The following MPRIP variants were observed in gnomAD, a reference collection of about 807,000 sequenced individuals.
MPRIP encodes myosin phosphatase Rho interacting protein, also known as myosin phosphatase Rho-interacting protein.
A neutral mutation model predicts 234.9 loss-of-function variants in MPRIP; 59 were observed. The ratio of observed to expected loss-of-function variants is 0.25; its 90% confidence interval spans 0.20 to 0.31. The LOEUF (loss-of-function observed/expected upper bound fraction) is 0.31. Among genes scored for constraint, MPRIP ranks in the 10% least tolerant of loss-of-function variants. The probability of loss-of-function intolerance (pLI) is 1.00; values close to 1 mark genes in which losing one functional copy is unlikely to be tolerated. For synonymous variants in MPRIP, 1,144 were observed against 1,263.9 expected (o/e 0.91, Z 2.01); for missense variants, 2,436 against 3,071.0 (o/e 0.79, Z 4.89).
At chr17:17,087,280 C>T (rs1310336337) in intron 3 of MPRIP, among the ~76,000 whole-genome samples, 1 of 152,122 alleles carries the variant, frequency 6.6e-6, no homozygotes. Flanking sequence ...GCAGCCGGGT[C>T]CCTGGATCTC....
At position 17,136,199 on chromosome 17, in the gene MPRIP, A is replaced by AC; in HGVS notation, c.505-18dup. ...TGTGTGCTCCTGCACCTTCACAGAC[A>AC]CCACTTTCTCCTCCTCCAGGAGCCT... On this transcript the variant is annotated intron_variant, in intron 5 of 23. Coordinates refer to ENST00000651222, the MANE Select transcript of MPRIP (RefSeq NM_001364716.4). The AC allele has an allele frequency of 6.2e-7, 1 of 1,613,730 alleles. No individual in the cohort carries two copies. Among genetic ancestry groups the AC allele is most frequent in the Non-Finnish European group, 8.5e-7 (1 of 1,179,968 alleles).
chr17:17,133,965 C>G (rs1597862387), intron 5 of MPRIP, among the ~76,000 whole-genome samples: 1 of 152,112 alleles, frequency 6.6e-6, no homozygotes, highest in Non-Finnish European at 1.5e-5. Flanking sequence ...GTGTGCAGGC[C>G]CCGGGTCTCC....
At chr17:17,096,797 T>C (rs1280572951) in intron 3 of MPRIP, 3 of 471,148 alleles carry the variant, frequency 6.4e-6, no homozygotes, top group South Asian at 4.6e-5. Flanking sequence ...CCTTGGGGCC[T>C]GGGGAAACCA....
intron 1 of MPRIP, among the ~76,000 whole-genome samples, chr17:17,074,332 A>G (rs2089274296): frequency 6.6e-6 from 1 of 152,174 alleles, no homozygotes; most frequent in Non-Finnish European, 1.5e-5. Context: ...ATTGAGCCAG[A>G]GTGTCTGTCT....
Position 17,096,979 on chromosome 17 carries a change from G to T in MPRIP, c.267+18903G>T, listed in dbSNP as rs1046771637. 1.2e-5 allele frequency: 4 copies of T among 346,540 alleles called. No homozygotes were observed. In the East Asian group the frequency reaches 3.0e-4, roughly 26 times the overall value. 21.5% of individuals were successfully genotyped at this position (346,540 alleles called of 1,614,324 possible). ...AGCATAAGCACTGAGACAGGCACAC[G>T]TGCCTGCCCGGCTATCGTAGCCAGG... On this transcript the variant is annotated intron_variant, in intron 3 of 23. Coordinates refer to ENST00000651222, the MANE Select transcript of MPRIP (RefSeq NM_001364716.4).
chr17:17,082,179 G>A (rs1348422003), intron 3 of MPRIP, among the ~76,000 whole-genome samples: 3 of 152,038 alleles, frequency 2.0e-5, no homozygotes, highest in Non-Finnish European at 2.9e-5. Context: ...TCTAGAAGGA[G>A]AGTGGGAGCG....
intron 22 of MPRIP, among the ~76,000 whole-genome samples, chr17:17,178,067 T>C (rs2046294830): frequency 6.6e-6 from 1 of 151,506 alleles, no homozygotes; most frequent in African/African-American, 2.4e-5. Context: ...ACTACAGGAG[T>C]GCACCACAAA....
intron 4 of MPRIP, among the ~76,000 whole-genome samples, chr17:17,128,445 C>T (rs1357678111): frequency 1.3e-5 from 2 of 152,162 alleles, no homozygotes; most frequent in African/African-American, 4.8e-5. Context: ...GCCAGAAGTC[C>T]TCACTCCATC....
intron 16 of MPRIP, chr17:17,168,117 G>C: frequency 2.6e-6 from 1 of 378,930 alleles, no homozygotes. Context: ...CCTCCACCAG[G>C]AGGAGAACTA....
intron 3 of MPRIP, among the ~76,000 whole-genome samples, chr17:17,107,192 G>T (rs1312743277): frequency 6.6e-6 from 1 of 152,208 alleles, no homozygotes; most frequent in African/African-American, 2.4e-5. Flanking sequence ...GTGAGGGGGT[G>T]GATTGGTGTT....
intron 3 of MPRIP, among the ~76,000 whole-genome samples, chr17:17,102,130 C>T (rs867220435): frequency 1.4e-4 from 22 of 152,196 alleles, no homozygotes; most frequent in African/African-American, 5.3e-4. Flanking sequence ...TCAAGCAATC[C>T]TCCTGCCTCG....
At chr17:17,075,128 A>T (rs2089297599) in intron 1 of MPRIP, among the ~76,000 whole-genome samples, 1 of 152,060 alleles carries the variant, frequency 6.6e-6, no homozygotes, top group Admixed American at 6.5e-5. Flanking sequence ...GCATTATCTC[A>T]TCAGTCCTCA....
chr17:17,191,926 T>TA lies in MPRIP; in HGVS notation c.*7034dup, dbSNP rs1326570806. On this transcript the variant is annotated 3_prime_UTR_variant, in exon 24 of 24. Transcript: ENST00000651222. ...GTTAGGATTCAAAACCAGTTAAGTA[T>TA]AAGAATTACTTCATGTGGTTTTCCT... The TA allele has an allele frequency of 3.3e-5, 5 of 152,206 alleles. No homozygotes were observed. Among genetic ancestry groups the TA allele is most frequent in the African/African-American group, 1.2e-4 (5 of 41,454 alleles). 9.4% of individuals were successfully genotyped at this position (152,206 alleles called of 1,614,324 possible). A position where few individuals can be genotyped will look rare whatever the true frequency, so the allele number is the denominator to read the frequency against.
At chr17:17,171,697 A>C in intron 16 of MPRIP, 21 bp from the exon 17 acceptor site, 1 of 1,603,020 alleles carries the variant, frequency 6.2e-7, no homozygotes. Context: ...AAGTCGATGA[A>C]GTCCCTTTTG....
rs146378723 is a variant in MPRIP at position 17,101,606 on chromosome 17, AATAT to A, written c.267+23538_267+23541del. Reference sequence around the variant, plus strand: ...TTTTTTAAACAACAACAACAAAAAAAATATATATATAGTTACTTCAAAGAAAAAC... The same window carrying A: ...TTTTTTAAACAACAACAACAAAAAAAATATATAGTTACTTCAAAGAAAAAC... On this transcript the variant is annotated intron_variant, in intron 3 of 23. Coordinates refer to ENST00000651222, the MANE Select transcript of MPRIP (RefSeq NM_001364716.4). Among the ~76,000 whole-genome samples, 1,229 of 151,856 alleles carry A rather than the reference AATAT, an allele frequency of 8.1e-3. 16 individuals are homozygous for A. Among genetic ancestry groups the A allele is most frequent in the Middle Eastern group, 0.041 (12 of 294 alleles).
intron 3 of MPRIP, among the ~76,000 whole-genome samples, chr17:17,088,781 T>C (rs1275288899): frequency 6.6e-6 from 1 of 151,190 alleles, no homozygotes; most frequent in African/African-American, 2.4e-5. Context: ...GCACCACTTC[T>C]GGCAGGCAAT....
chr17:17,181,424 G>A (rs1343983345), intron 23 of MPRIP: 3 of 152,484 alleles, frequency 2.0e-5, no homozygotes, highest in Admixed American at 6.5e-5. Flanking sequence ...CCCGCCGTCC[G>A]AAGGACTTCA....
intron 3 of MPRIP, among the ~76,000 whole-genome samples, chr17:17,096,290 TGTGTGTGTGTGTGTGTG>T (rs1567711872): frequency 1.4e-3 from 2 of 1,400 alleles, no homozygotes; most frequent in African/African-American, 3.5e-3. Flanking sequence ...GTGTGCAGGG[TGTGTGTGTGTGTGTGTG>T]TGTGTGTGTG....
At chr17:17,145,778 C>T (rs1342649563) in intron 9 of MPRIP, among the ~76,000 whole-genome samples, 1 of 152,234 alleles carries the variant, frequency 6.6e-6, no homozygotes, top group African/African-American at 2.4e-5. Context: ...CCACACTGCT[C>T]ACAGGGCAAT....
Sources: allele counts gnomAD v4.1 joint callset (sites outside exome capture counted in the v4.1 genomes callset), GRCh38; gene constraint gnomAD v4.1.1; transcripts MANE v1.5; gene names NCBI Gene and HGNC (gene_info 2026-07-23, HGNC 2026-07-21).